The following ENTPD4 variants were observed in gnomAD, a reference collection of about 807,000 sequenced individuals.
ENTPD4 encodes the protein ectonucleoside triphosphate diphosphohydrolase 4.
In ENTPD4, 60 loss-of-function variants were observed where a neutral mutation model predicts 79.1. The ratio of observed to expected loss-of-function variants is 0.76; its 90% CI spans 0.62 to 0.94. The LOEUF (loss-of-function observed/expected upper bound fraction) is 0.94. Ranked by LOEUF, ENTPD4 falls within the 40% of genes least tolerant of loss-of-function variation. ENTPD4 has a pLI of 0.00. For synonymous variants in ENTPD4, 276 were observed against 292.0 expected (o/e 0.95, Z 0.56); for missense variants, 772 against 775.1 (o/e 1.00, Z 0.05).
In ENTPD4 at chr8:23,441,994, C is replaced by T; in HGVS notation, c.727+13G>A. 1 of 1,608,812 alleles carries T rather than the reference C, an allele frequency of 6.2e-7. No homozygotes were observed. ...TTCCAACTAGATACATTTGTTGGAA[C>T]CATGACACTTACCATCTTCAATATG... On this transcript the variant is annotated intron_variant, in intron 7 of 12. Transcript: ENST00000358689.
chr8:23,450,780 C>T (rs533747557), intron 1 of ENTPD4, among the ~76,000 whole-genome samples: 3 of 152,304 alleles, frequency 2.0e-5, no homozygotes, highest in African/African-American at 7.2e-5. Flanking sequence ...TTCTCCACCC[C>T]AGGCTTCTCT....
chr8:23,430,517 T>A lies in ENTPD4; in HGVS notation c.*2409A>T. On this transcript the variant is annotated 3_prime_UTR_variant, in exon 13 of 13. Transcript: ENST00000358689. Reference sequence around the variant, plus strand: ...CTCACAAGGACCAGCAAACTTTTTCTGTAAATATTTTAGTAAATATTCTAG... The same window carrying A: ...CTCACAAGGACCAGCAAACTTTTTCAGTAAATATTTTAGTAAATATTCTAG... 1.0e-6 allele frequency: 1 copy of A among 985,070 alleles called. No individual in the cohort carries two copies. The highest frequency in any genetic ancestry group is 1.2e-6 in the Non-Finnish European group (1 of 829,600). 61.0% of individuals were successfully genotyped at this position (985,070 alleles called of 1,614,324 possible).
intron 9 of ENTPD4, among the ~76,000 whole-genome samples, chr8:23,438,346 C>T (rs1163560658): frequency 6.6e-6 from 1 of 152,172 alleles, no homozygotes; most frequent in East Asian, 1.9e-4. Flanking sequence ...TTCCTCAGAT[C>T]AGGGTTACTC....
chr8:23,433,291 G>A lies in ENTPD4; in HGVS notation c.1623-137C>T, dbSNP rs142270447. On this transcript the variant is annotated intron_variant, in intron 12 of 12. Coordinates refer to ENST00000358689, the MANE Select transcript of ENTPD4 (RefSeq NM_004901.5). ...CAACCCTACCTCTGAAATGGAGAAC[G>A]GAACAGCCCAATGCAGGGGGCTTCT... 598 of 662,206 alleles carry A rather than the reference G, an allele frequency of 9.0e-4. 4 individuals are homozygous for A. Among genetic ancestry groups the A allele is most frequent in the Middle Eastern group, 6.1e-3 (23 of 3,760 alleles). 41.0% of individuals were successfully genotyped at this position (662,206 alleles called of 1,614,324 possible).
chr8:23,437,129 GT>G lies in ENTPD4; in HGVS notation c.1178del (p.Asp393AlafsTer11). 6.2e-7 allele frequency: 1 copy of G among 1,614,200 alleles called. No homozygotes were observed. Among genetic ancestry groups the G allele is most frequent in the Non-Finnish European group, 8.5e-7 (1 of 1,180,028 alleles). The part of the protein sequence containing the change: ...TIYLRGTGDF[D>X]LCRETIQPFM... ...AAGGCTGGATAGTCTCTCGACACAG[GT>G]CAAAGTCTCCAGTCCCTCGTAGGTA... On this transcript the variant is annotated frameshift_variant, in exon 10 of 13. Transcript: ENST00000358689. LOFTEE classifies it high-confidence loss of function.
chr8:23,437,702 A>C (rs1800593789), intron 9 of ENTPD4, among the ~76,000 whole-genome samples: 1 of 152,238 alleles, frequency 6.6e-6, no homozygotes, highest in Non-Finnish European at 1.5e-5. Context: ...AAATTATCAA[A>C]CTAGGTGTGG....
At chr8:23,440,120 T>C (rs1202361167) in intron 8 of ENTPD4, 1 of 506,012 alleles carries the variant, frequency 2.0e-6, no homozygotes, top group East Asian at 3.1e-5. Context: ...TGTGATACTG[T>C]TATGACTTTT....
At chr8:23,444,391 GAGA>G (rs752540714) in intron 5 of ENTPD4, 62 bp downstream of exon 5, 14 of 1,402,232 alleles carry the variant, frequency 1.0e-5, no homozygotes, top group Non-Finnish European at 5.9e-6. Context: ...GAGGAAGGGG[GAGA>G]AGAACACCCC....
At position 23,432,982 on chromosome 8, in the gene ENTPD4, C is replaced by A. The variant is rs1017209730; in HGVS notation, c.1795G>T (p.Ala599Ser). The A allele has an allele frequency of 6.2e-7, 1 of 1,613,396 alleles. No homozygotes were observed. Among genetic ancestry groups the A allele is most frequent in the Admixed American group, 1.7e-5 (1 of 59,962 alleles). The change falls in exon 13 of 13, where the codon GCC becomes TCC. Residue 599 changes from alanine (A) to serine (S), a missense_variant. Physicochemically the swap from Ala to Ser is moderately conservative, Grantham distance 99 (BLOSUM62 1). Coordinates refer to ENST00000358689, the MANE Select transcript of ENTPD4 (RefSeq NM_004901.5). ...AGGCCCTCCTCCATCCAGAGGGCGGCGGCCGAGCTGCTCCGGGGAGTGCGC... is the reference window on the plus strand; with the variant it reads ...AGGCCCTCCTCCATCCAGAGGGCGGAGGCCGAGCTGCTCCGGGGAGTGCGC... ...HRRTPRSSSA[A>S]ALWMEEGLPA...
rs771917030 is a variant in ENTPD4 at position 23,435,413 on chromosome 8, T to A, written c.1439A>T (p.His480Leu). The A allele has an allele frequency of 5.7e-5, 92 of 1,613,668 alleles. No individual in the cohort carries two copies. The highest frequency in any genetic ancestry group is 7.7e-5 in the Non-Finnish European group (91 of 1,179,752). ...TTACTTAAGCCTGTGGAGGTCAGCA[T>A]GAGAGGCGTACAGTCCTCGGTCAAA... ...ERFDRGLYAS[H>L]ADLHRLKYQC... Residue 480 changes from histidine (H) to leucine (L), a missense_variant, in exon 11 of 13, where the codon CAT becomes CTT. By Grantham distance (99) the His-to-Leu change is moderately conservative. Transcript: ENST00000358689.
rs1203804312 is a variant in ENTPD4, at chr8:23,437,097, T to C, written c.1211A>G (p.Asn404Ser). The C allele has an allele frequency of 1.9e-6, 3 of 1,614,236 alleles. No homozygotes were observed. The highest frequency in any genetic ancestry group is 1.7e-5 in the Admixed American group (1 of 60,030). Residue 404 changes from asparagine (N) to serine (S), a missense_variant, in exon 10 of 13, where the codon AAT (asparagine) becomes AGT (serine). Coordinates refer to ENST00000358689, the MANE Select transcript of ENTPD4 (RefSeq NM_004901.5). The part of the protein sequence containing the change: ...LCRETIQPFM[N>S]KTNETQTSLN... ...GGAAGTCTGGGTCTCGTTTGTTTTA[T>C]TCATGAAAGGCTGGATAGTCTCTCG...
Position 23,431,571 on chromosome 8 carries a change from T to G in ENTPD4, c.*1355A>C, listed in dbSNP as rs1341661123. On this transcript the variant is annotated 3_prime_UTR_variant, in exon 13 of 13. Coordinates refer to ENST00000358689, the MANE Select transcript of ENTPD4 (RefSeq NM_004901.5). Reference sequence around the variant, plus strand: ...CCTGTATTGGATGCAGACTCTTCCCTTCTGGATTTACAGTGGTGCTGCCAG... The same window carrying G: ...CCTGTATTGGATGCAGACTCTTCCCGTCTGGATTTACAGTGGTGCTGCCAG... 1.0e-6 allele frequency: 1 copy of G among 985,342 alleles called. No homozygotes were observed. Among genetic ancestry groups the G allele is most frequent in the Non-Finnish European group, 1.2e-6 (1 of 829,946 alleles). 61.0% of individuals were successfully genotyped at this position (985,342 alleles called of 1,614,324 possible).
At chr8:23,441,109 G>A (rs1223441065) in intron 8 of ENTPD4, among the ~76,000 whole-genome samples, 1 of 152,170 alleles carries the variant, frequency 6.6e-6, no homozygotes, top group African/African-American at 2.4e-5. Context: ...AGAACAGGGT[G>A]GAGAACAGTT....
chr8:23,433,660 G>A (rs898575777), intron 12 of ENTPD4, among the ~76,000 whole-genome samples: 2 of 152,174 alleles, frequency 1.3e-5, no homozygotes, highest in East Asian at 1.9e-4. Flanking sequence ...CTACCCAAGC[G>A]CTGACTGAGA....
Position 23,429,399 on chromosome 8 carries a change from A to G in ENTPD4, c.*3527T>C. 1.0e-6 allele frequency: 1 copy of G among 985,246 alleles called. No homozygotes were observed. The highest frequency in any genetic ancestry group is 1.2e-6 in the Non-Finnish European group (1 of 829,722). The allele number at this position is 985,246 out of a possible 1,614,324, so 61.0% of individuals were successfully genotyped here. On this transcript the variant is annotated 3_prime_UTR_variant, in exon 13 of 13. Transcript: ENST00000358689. ...AAACAAATTCTCCTTGGTTGGTCAC[A>G]TCATTCATTATTGAAAGGGAAACTT... is the stretch of plus-strand genomic sequence containing the variant.
At chr8:23,442,507 A>C (rs1800691204) in intron 6 of ENTPD4, among the ~76,000 whole-genome samples, 1 of 152,092 alleles carries the variant, frequency 6.6e-6, no homozygotes, top group African/African-American at 2.4e-5. Context: ...AACATGGTGA[A>C]ACCCCGTCTC....
intron 8 of ENTPD4, among the ~76,000 whole-genome samples, chr8:23,440,466 T>G (rs994660556): frequency 3.9e-5 from 6 of 152,200 alleles, no homozygotes; most frequent in Non-Finnish European, 8.8e-5. Flanking sequence ...TTTTAGGTGA[T>G]GAATCCATGG....
intron 4 of ENTPD4, among the ~76,000 whole-genome samples, chr8:23,445,905 G>A (rs927542060): frequency 2.6e-5 from 4 of 152,058 alleles, no homozygotes; most frequent in African/African-American, 4.8e-5. Context: ...AATGAGGGGC[G>A]CTTTAGAAGT....
intron 11 of ENTPD4, 76 bp from the exon 12 acceptor site, chr8:23,434,554 A>C (rs1800521878): frequency 3.9e-6 from 6 of 1,529,278 alleles, no homozygotes; most frequent in South Asian, 2.6e-5. Flanking sequence ...CACACACACA[A>C]TCCTTCCCTC....
Sources: gnomAD v4.1 joint callset for allele counts (sites outside exome capture counted in the v4.1 genomes callset) on GRCh38, gnomAD v4.1.1 for gene constraint, MANE v1.5 for transcripts, NCBI Gene and HGNC (gene_info 2026-07-23, HGNC 2026-07-21) for gene names.